Variants in SLC4A10 observed in about 807,000 individuals in gnomAD.
The protein encoded by SLC4A10 is sodium-driven chloride bicarbonate exchanger.
A neutral mutation model predicts 137.7 loss-of-function variants in SLC4A10; 42 were observed. The observed-to-expected ratio is 0.30, with a 90% confidence interval of 0.24 to 0.39. SLC4A10 has a LOEUF of 0.39. Among genes scored for constraint, SLC4A10 ranks in the 10% least tolerant of loss-of-function variants. The pLI is 1.00. For missense variants in SLC4A10, 925 were observed against 1,355.0 expected, an observed-to-expected ratio of 0.68 and a Z score of 4.98; for synonymous variants, 474 against 464.1, an observed-to-expected ratio of 1.02 and a Z score of -0.27.
At chr2:161,938,203 G>T (rs990094407) in intron 15 of SLC4A10, among the ~76,000 whole-genome samples, 6 of 152,074 alleles carry the variant, frequency 3.9e-5, no homozygotes, top group African/African-American at 1.4e-4. Flanking sequence ...CCTGGGAGGC[G>T]GAGGTTGCAG....
intron 1 of SLC4A10, among the ~76,000 whole-genome samples, chr2:161,752,232 C>T (rs1183342647): frequency 1.3e-5 from 2 of 151,950 alleles, no homozygotes; most frequent in African/African-American, 4.8e-5. Context: ...TGCTTTCTGG[C>T]TCCAGTAAGG....
chr2:161,944,687 T>G (rs1356558061), intron 16 of SLC4A10, among the ~76,000 whole-genome samples: 2 of 151,672 alleles, frequency 1.3e-5, no homozygotes, highest in East Asian at 3.8e-4. Context: ...TAAAAGCAGT[T>G]TTTGCAATGG....
intron 2 of SLC4A10, among the ~76,000 whole-genome samples, chr2:161,791,864 A>C (rs2054247588): frequency 6.6e-6 from 1 of 152,118 alleles, no homozygotes; most frequent in African/African-American, 2.4e-5. Context: ...AAAAATCTAA[A>C]TTATTTTTCT....
At chr2:161,636,734 G>A (rs1307288330) in intron 1 of SLC4A10, among the ~76,000 whole-genome samples, 3 of 151,956 alleles carry the variant, frequency 2.0e-5, no homozygotes, top group Non-Finnish European at 4.4e-5. Flanking sequence ...CTGTCACCCA[G>A]GCTGGAGTTT....
At chr2:161,915,898 G>A (rs1687010966) in intron 15 of SLC4A10, among the ~76,000 whole-genome samples, 1 of 152,216 alleles carries the variant, frequency 6.6e-6, no homozygotes, top group South Asian at 2.1e-4. Context: ...CACACAAAGA[G>A]ACACTAGGAA....
intron 1 of SLC4A10, among the ~76,000 whole-genome samples, chr2:161,724,431 A>C (rs1053696631): frequency 1.3e-5 from 2 of 152,190 alleles, no homozygotes; most frequent in Non-Finnish European, 2.9e-5. Flanking sequence ...GTTTCGTCAC[A>C]TGTTTATTCA....
rs1194672468 is a variant in SLC4A10, at chr2:161,958,489, T to C, written c.2796T>C (p.Phe932=). ...TTTCTCCAATTGTTCTTTTACAGTT[T>C]ATTCCCATGCCAGTGCTATATGGAG... ...SSVFMTSILK[F]IPMPVLYGVF... is the part of the protein sequence containing the mutation. The change falls in exon 21 of 27, where the codon TTT becomes TTC. Residue 932 remains phenylalanine (F), a splice_region_variant and synonymous_variant. Coordinates refer to ENST00000446997, the MANE Select transcript of SLC4A10 (RefSeq NM_001178015.2). 6.2e-7 allele frequency: 1 copy of C among 1,609,988 alleles called. No homozygotes were observed. The highest frequency in any genetic ancestry group is 1.7e-5 in the Admixed American group (1 of 59,580).
chr2:161,751,141 G>A (rs561511344), intron 1 of SLC4A10, among the ~76,000 whole-genome samples: 11 of 151,710 alleles, frequency 7.3e-5, no homozygotes, highest in South Asian at 6.2e-4. Context: ...GACAGCATGC[G>A]GTTGGATCTT....
intron 2 of SLC4A10, among the ~76,000 whole-genome samples, chr2:161,779,006 G>A (rs1234278697): frequency 6.6e-6 from 1 of 152,020 alleles, no homozygotes; most frequent in South Asian, 2.1e-4. Flanking sequence ...AGTTTATTTA[G>A]GTCACAGTCC....
At chr2:161,709,786 G>C (rs1299392720) in intron 1 of SLC4A10, 1 of 151,430 alleles carries the variant, frequency 6.6e-6, no homozygotes, top group Non-Finnish European at 1.5e-5. Flanking sequence ...TATATACTTG[G>C]ATAAGAAACT....
chr2:161,966,747 A>C (rs866937319), intron 23 of SLC4A10, among the ~76,000 whole-genome samples: 21 of 152,022 alleles, frequency 1.4e-4, no homozygotes, highest in Admixed American at 4.6e-4. Flanking sequence ...AAAAAAAAAA[A>C]AACAAAAAAC....
chr2:161,720,124 T>C (rs1410851717), intron 1 of SLC4A10, among the ~76,000 whole-genome samples: 1 of 152,206 alleles, frequency 6.6e-6, no homozygotes, highest in African/African-American at 2.4e-5. Flanking sequence ...GCTAGCCCGT[T>C]TTCCCAGCAC....
intron 3 of SLC4A10, among the ~76,000 whole-genome samples, chr2:161,829,749 A>G (rs1037675018): frequency 5.3e-5 from 8 of 152,292 alleles, no homozygotes; most frequent in Middle Eastern, 6.8e-3. Flanking sequence ...GAGACTGGGT[A>G]ATTTATAAAG....
chr2:161,924,313 A>G (rs1382229475), intron 15 of SLC4A10, among the ~76,000 whole-genome samples: 1 of 152,080 alleles, frequency 6.6e-6, no homozygotes, highest in Non-Finnish European at 1.5e-5. Context: ...ATGTAAGAAC[A>G]TAAGAAGTAA....
rs766687720 is a variant in SLC4A10, at chr2:161,804,580, G to T, written c.262G>T (p.Glu88Ter). 1.2e-6 allele frequency: 2 copies of T among 1,610,250 alleles called. No individual in the cohort carries two copies. The highest frequency in any genetic ancestry group is 3.4e-5 in the Admixed American group (2 of 59,438). ...AGATTCAGGATTAGAGGATGGAAGG[G>T]AGTCACCTTCTTTTGGTAAGAATCC... is the stretch of plus-strand genomic sequence containing the variant. ...ERDSGLEDGRESPSFDTPSQR... is the reference protein window; with the variant it reads ...ERDSGLEDGR Residue 88 changes from glutamate to a stop codon, truncating the protein, a stop_gained, in exon 3 of 27, where the codon GAG (glutamate) becomes TAG (stop). Transcript: ENST00000446997. LOFTEE classifies it high-confidence loss of function.
chr2:161,857,997 T>A (rs910793455), intron 5 of SLC4A10, among the ~76,000 whole-genome samples: 1 of 152,030 alleles, frequency 6.6e-6, no homozygotes, highest in Non-Finnish European at 1.5e-5. Context: ...CAGGCATGAG[T>A]CACTGTGCCC....
chr2:161,895,070 C>A (rs991143417), intron 11 of SLC4A10, among the ~76,000 whole-genome samples: 3 of 141,400 alleles, frequency 2.1e-5, no homozygotes, highest in East Asian at 2.2e-4. Context: ...CCCCTCCCCC[C>A]ACTCCACAAC....
At chr2:161,937,176 C>T (rs750816598) in intron 15 of SLC4A10, among the ~76,000 whole-genome samples, 11 of 151,902 alleles carry the variant, frequency 7.2e-5, no homozygotes, top group South Asian at 4.1e-4. Flanking sequence ...GATTTCTAGT[C>T]GCATACCATT....
At chr2:161,794,213 C>G (rs1467332044) in intron 2 of SLC4A10, among the ~76,000 whole-genome samples, 2 of 152,094 alleles carry the variant, frequency 1.3e-5, no homozygotes, top group African/African-American at 4.8e-5. Context: ...CACAAAATTC[C>G]TGTAAACTGT....
Sources: gnomAD v4.1 joint callset for allele counts (sites outside exome capture counted in the v4.1 genomes callset) on GRCh38, gnomAD v4.1.1 for gene constraint, MANE v1.5 for transcripts, NCBI Gene and HGNC (gene_info 2026-07-23, HGNC 2026-07-21) for gene names.